The following SIK3 variants were observed in gnomAD, a reference collection of about 807,000 sequenced individuals.
The protein encoded by SIK3 is serine/threonine-protein kinase SIK3.
In SIK3, 28 loss-of-function variants were observed where a neutral mutation model predicts 144.2. That is an observed-to-expected ratio of 0.19 (90% CI 0.14 to 0.27). The LOEUF (loss-of-function observed/expected upper bound fraction) is 0.27. Among genes scored for constraint, SIK3 ranks in the 10% least tolerant of loss-of-function variants. SIK3 has a pLI of 1.00. For missense variants in SIK3, 1,319 were observed against 1,776.0 expected, an observed-to-expected ratio of 0.74 and a Z score of 4.62; for synonymous variants, 686 against 676.3, an observed-to-expected ratio of 1.01 and a Z score of -0.22.
At chr11:117,078,407 A>G (rs899333836) in intron 1 of SIK3, among the ~76,000 whole-genome samples, 1 of 150,592 alleles carries the variant, frequency 6.6e-6, no homozygotes, top group Non-Finnish European at 1.5e-5. Context: ...TGAAATCTGC[A>G]TAACACCTTT....
In SIK3 at chr11:116,858,838, G is replaced by A. The variant is rs903351617; in HGVS notation, c.2766-139C>T. ...CAGAGAAGTGGCAGATGTATGCATTGTCCCTATTTATTCCATTACTGGCTT... is the reference window on the plus strand; with the variant it reads ...CAGAGAAGTGGCAGATGTATGCATTATCCCTATTTATTCCATTACTGGCTT... On this transcript the variant is annotated intron_variant, in intron 20 of 24. Coordinates refer to ENST00000445177, the MANE Select transcript of SIK3 (RefSeq NM_001366686.3). This position sits in a 1 kb window ranked among gnomAD's most constrained non-coding sequence, Gnocchi z 5.4. 3.1e-6 allele frequency: 4 copies of A among 1,294,028 alleles called. No homozygotes were observed. Among genetic ancestry groups the A allele is most frequent in the Non-Finnish European group, 4.1e-6 (4 of 968,422 alleles). 80.2% of individuals were successfully genotyped at this position (1,294,028 alleles called of 1,614,324 possible). A position where few individuals can be genotyped will look rare whatever the true frequency, so the allele number is the denominator to read the frequency against.
intron 1 of SIK3, among the ~76,000 whole-genome samples, chr11:117,059,919 C>G (rs890372025): frequency 2.6e-5 from 4 of 152,182 alleles, no homozygotes; most frequent in African/African-American, 9.7e-5. Context: ...CAAAATAGTA[C>G]AGCCACTTTG....
intron 1 of SIK3, chr11:117,035,982 G>C: frequency 1.3e-6 from 2 of 1,561,892 alleles, no homozygotes; most frequent in South Asian, 2.2e-5. Context: ...CTCTGCACCA[G>C]GCGTTTCTTC....
At chr11:117,045,436 T>C (rs1218464247) in intron 1 of SIK3, among the ~76,000 whole-genome samples, 2 of 152,168 alleles carry the variant, frequency 1.3e-5, no homozygotes, top group African/African-American at 4.8e-5. Flanking sequence ...GCCCCGCCCA[T>C]AAGAGTGAAC....
chr11:116,859,244 G>C (rs1943167689), intron 20 of SIK3, 21 bp downstream of exon 20: 1 of 1,581,204 alleles, frequency 6.3e-7, no homozygotes, highest in South Asian at 1.2e-5. Context: ...TAGATGGCTG[G>C]GTGACGTTAG....
At chr11:116,853,460 C>A (rs958893492) in intron 21 of SIK3, among the ~76,000 whole-genome samples, 1 of 152,322 alleles carries the variant, frequency 6.6e-6, no homozygotes, top group South Asian at 2.1e-4. Flanking sequence ...GATGATCGTC[C>A]GATCACACAA....
intron 4 of SIK3, among the ~76,000 whole-genome samples, chr11:116,918,400 C>A (rs75622802): frequency 8.5e-5 from 13 of 152,050 alleles, no homozygotes; most frequent in African/African-American, 1.2e-4. Flanking sequence ...CCCCCACCCC[C>A]ACAAGACCTC....
intron 1 of SIK3, among the ~76,000 whole-genome samples, chr11:116,962,452 TA>T (rs927341471): frequency 5.3e-5 from 8 of 152,236 alleles, no homozygotes; most frequent in African/African-American, 1.9e-4. Context: ...AAGAAAAGCT[TA>T]TTTTTTTAAA....
At chr11:117,055,021 T>C (rs1316179281) in intron 1 of SIK3, among the ~76,000 whole-genome samples, 3 of 152,198 alleles carry the variant, frequency 2.0e-5, no homozygotes. Context: ...AATTATCTCA[T>C]TTAATATTGA....
intron 1 of SIK3, among the ~76,000 whole-genome samples, chr11:117,040,220 T>C (rs1465614009): frequency 6.6e-6 from 1 of 152,172 alleles, no homozygotes; most frequent in Non-Finnish European, 1.5e-5. Context: ...TGTATAGTGA[T>C]AAAGAGCAGA....
At position 116,875,984 on chromosome 11, in the gene SIK3, T is replaced by G; in HGVS notation, c.1121A>C (p.His374Pro). The G allele has an allele frequency of 6.2e-7, 1 of 1,613,226 alleles. No homozygotes were observed. The highest frequency in any genetic ancestry group is 2.2e-5 in the East Asian group (1 of 44,884). The change falls in exon 9 of 25, where the codon CAC (histidine) becomes CCC (proline). Residue 374 changes from histidine (H) to proline (P), a missense_variant. By Grantham distance (77) the His-to-Pro change is moderately conservative. Around this residue, in one of 8 missense-constraint regions of SIK3, gnomAD observed 109 missense variants for 109.3 expected, o/e 1.00. Coordinates refer to ENST00000445177, the MANE Select transcript of SIK3 (RefSeq NM_001366686.3). ...LQSLRSDAYD[H>P]YSAIYSLLCD... ...CAGCAGGCTGTAGATTGCACTATAG[T>G]GATCATAGGCATCTGATCTTAATGA...
Position 116,853,609 on chromosome 11 carries a change from A to C in SIK3, c.3655+4201T>G, listed in dbSNP as rs149140679. 6.1e-3 allele frequency among the ~76,000 whole-genome samples: 932 copies of C among 152,268 alleles called. 6 individuals are homozygous for C. The highest frequency in any genetic ancestry group is 0.021 in the African/African-American group (855 of 41,546). ...TTACTGGGTTTTGAGAGAAAATGGG[A>C]GCAATAACGTGACTGCATACTCCCC... On this transcript the variant is annotated intron_variant, in intron 21 of 24. Coordinates refer to ENST00000445177, the MANE Select transcript of SIK3 (RefSeq NM_001366686.3).
At chr11:116,942,103 A>G (rs1948339285) in intron 3 of SIK3, among the ~76,000 whole-genome samples, 1 of 152,186 alleles carries the variant, frequency 6.6e-6, no homozygotes, top group African/African-American at 2.4e-5. Context: ...TTCTCTATAC[A>G]GTTACCCAAA....
At chr11:116,954,744 T>G (rs1949077106) in intron 2 of SIK3, among the ~76,000 whole-genome samples, 1 of 152,206 alleles carries the variant, frequency 6.6e-6, no homozygotes, top group South Asian at 2.1e-4. Flanking sequence ...TCTTCCTTTT[T>G]ACATTTTCCA....
At chr11:116,969,219 G>A (rs1949678296) in intron 1 of SIK3, among the ~76,000 whole-genome samples, 2 of 149,384 alleles carry the variant, frequency 1.3e-5, no homozygotes, top group African/African-American at 4.9e-5. Flanking sequence ...GAACCCAGGA[G>A]GCGGAGCTTG....
chr11:117,032,117 C>T (rs1367235684), intron 1 of SIK3, among the ~76,000 whole-genome samples: 1 of 152,084 alleles, frequency 6.6e-6, no homozygotes, highest in Non-Finnish European at 1.5e-5. Context: ...AGAGTGATTC[C>T]TCCAATTTTT....
intron 15 of SIK3, among the ~76,000 whole-genome samples, chr11:116,865,680 T>G (rs1328978579): frequency 1.3e-5 from 2 of 152,170 alleles, no homozygotes; most frequent in African/African-American, 4.8e-5. Context: ...AGACCACTCT[T>G]CTGTTTCCAT....
chr11:116,908,651 CAA>C (rs1367158640), intron 4 of SIK3, among the ~76,000 whole-genome samples: 2 of 151,858 alleles, frequency 1.3e-5, no homozygotes, highest in Non-Finnish European at 1.5e-5. Flanking sequence ...AAAAAAAGGC[CAA>C]GAGACACAAA....
At chr11:117,011,612 G>A (rs1327968162) in intron 1 of SIK3, among the ~76,000 whole-genome samples, 1 of 152,136 alleles carries the variant, frequency 6.6e-6, no homozygotes, top group South Asian at 2.1e-4. Flanking sequence ...TTAGTACTGA[G>A]AGAAGCTGTT....
Sources: allele counts gnomAD v4.1 joint callset (sites outside exome capture counted in the v4.1 genomes callset), GRCh38; gene constraint gnomAD v4.1.1; regional missense constraint gnomAD v4.1.1; non-coding constraint Gnocchi (gnomAD v3.1); transcripts MANE v1.5; gene names NCBI Gene and HGNC (gene_info 2026-07-23, HGNC 2026-07-21).